The following PTPRG variants were observed in gnomAD, a reference collection of about 807,000 sequenced individuals.
The protein encoded by PTPRG is receptor-type tyrosine-protein phosphatase gamma.
Under a neutral mutation model 165.3 loss-of-function variants are expected in PTPRG, and 102 were observed. The observed-to-expected ratio is 0.62, with a 90% CI of 0.53 to 0.73. The LOEUF (loss-of-function observed/expected upper bound fraction) is 0.73. PTPRG is among the 30% of genes least tolerant of loss of function. The pLI is 0.00. For missense variants in PTPRG, 1,866 were observed against 1,861.4 expected (o/e 1.00, Z -0.05); for synonymous variants, 675 against 669.5 (o/e 1.01, Z -0.13).
At chr3:61,752,802 G>GAAAAAAAA (rs532651498) in intron 2 of PTPRG, among the ~76,000 whole-genome samples, 12 of 103,726 alleles carry the variant, frequency 1.2e-4, no homozygotes, top group Admixed American at 2.1e-4. Context: ...AAAAAAAAAA[G>GAAAAAAAA]AAAAAAAAAA....
intron 9 of PTPRG, among the ~76,000 whole-genome samples, chr3:62,192,844 G>A (rs1289991083): frequency 6.6e-6 from 1 of 152,196 alleles, no homozygotes; most frequent in Admixed American, 6.5e-5. Flanking sequence ...CATGAAAAAT[G>A]CAGTAGCACC....
chr3:61,829,754 T>C (rs2036219188), intron 2 of PTPRG, among the ~76,000 whole-genome samples: 1 of 152,182 alleles, frequency 6.6e-6, no homozygotes, highest in Non-Finnish European at 1.5e-5. Context: ...ATTGAGAATT[T>C]CTGTCATCCT....
At chr3:61,980,040 T>G (rs2040603684) in intron 2 of PTPRG, among the ~76,000 whole-genome samples, 1 of 152,188 alleles carries the variant, frequency 6.6e-6, no homozygotes, top group African/African-American at 2.4e-5. Flanking sequence ...TCCCTTTTCC[T>G]ACTTGTGATT....
chr3:62,070,198 T>G lies in PTPRG; in HGVS notation c.520-7965T>G, dbSNP rs1701164131. Among the ~76,000 whole-genome samples the G allele has an allele frequency of 1.3e-5, 2 of 152,208 alleles. 1 individual carries two copies. Among genetic ancestry groups the G allele is most frequent in the Admixed American group, 1.3e-4 (2 of 15,288 alleles). ...CTTAGACAATGGTTTGACTTTCTTG[T>G]GAATTAAAGAGAAAGTAACATAATC... On this transcript the variant is annotated intron_variant, in intron 4 of 29. Transcript: ENST00000474889.
chr3:61,947,265 TA>T (rs1256497339), intron 2 of PTPRG, among the ~76,000 whole-genome samples: 1 of 152,152 alleles, frequency 6.6e-6, no homozygotes, highest in Admixed American at 6.5e-5. Flanking sequence ...TCAAAGTATA[TA>T]AAAGACTTGT....
intron 6 of PTPRG, among the ~76,000 whole-genome samples, chr3:62,151,025 GCAAT>G (rs1288482496): frequency 6.6e-6 from 1 of 152,104 alleles, no homozygotes; most frequent in Non-Finnish European, 1.5e-5. Context: ...ACCAAGAAAT[GCAAT>G]CAATCAGCTG....
At chr3:61,717,947 A>C (rs888511837) in intron 1 of PTPRG, among the ~76,000 whole-genome samples, 1 of 152,134 alleles carries the variant, frequency 6.6e-6, no homozygotes, top group Non-Finnish European at 1.5e-5. Flanking sequence ...TTGGAGGCCA[A>C]GGTGGGTGGA....
chr3:61,896,677 A>C (rs1206217624), intron 2 of PTPRG, among the ~76,000 whole-genome samples: 1 of 152,204 alleles, frequency 6.6e-6, no homozygotes, highest in African/African-American at 2.4e-5. Context: ...GTAGCAACAT[A>C]TCTCTGCAGC....
At chr3:61,681,075 A>AAAAAAAG (rs999333286) in intron 1 of PTPRG, among the ~76,000 whole-genome samples, 1 of 150,212 alleles carries the variant, frequency 6.7e-6, no homozygotes, top group African/African-American at 2.5e-5. Context: ...AAAAAAAAAA[A>AAAAAAAG]AAGAAGAAGA....
intron 1 of PTPRG, among the ~76,000 whole-genome samples, chr3:61,708,716 C>T (rs2031394392): frequency 6.6e-6 from 1 of 152,072 alleles, no homozygotes; most frequent in African/African-American, 2.4e-5. Context: ...CTCGGCCTCC[C>T]AAGGTGCTGG....
intron 2 of PTPRG, among the ~76,000 whole-genome samples, chr3:61,955,283 G>A (rs1309785640): frequency 6.6e-6 from 1 of 152,078 alleles, no homozygotes; most frequent in Non-Finnish European, 1.5e-5. Context: ...AATGTGAATG[G>A]CCACTTTTTT....
At chr3:61,901,939 T>C (rs987775189) in intron 2 of PTPRG, among the ~76,000 whole-genome samples, 1 of 152,258 alleles carries the variant, frequency 6.6e-6, no homozygotes, top group African/African-American at 2.4e-5. Context: ...TATGCTTGCC[T>C]ATTTTTATAC....
At chr3:62,268,942 A>T in intron 19 of PTPRG, 93 bp from the exon 20 acceptor site, 1 of 1,334,532 alleles carries the variant, frequency 7.5e-7, no homozygotes, top group Non-Finnish European at 1.0e-6. Context: ...TGGCAATCTC[A>T]CCTGTGTTTT....
intron 5 of PTPRG, among the ~76,000 whole-genome samples, chr3:62,108,434 C>T (rs1401780974): frequency 2.0e-5 from 3 of 152,178 alleles, no homozygotes; most frequent in Non-Finnish European, 2.9e-5. Flanking sequence ...TTTCTAAATC[C>T]GTTCTATCAT....
At chr3:61,705,052 G>T (rs1360383628) in intron 1 of PTPRG, among the ~76,000 whole-genome samples, 1 of 152,196 alleles carries the variant, frequency 6.6e-6, no homozygotes, top group African/African-American at 2.4e-5. Context: ...GTGAACACAG[G>T]TGCTGGACAG....
intron 6 of PTPRG, among the ~76,000 whole-genome samples, chr3:62,144,904 T>G (rs1704062935): frequency 6.6e-6 from 1 of 152,146 alleles, no homozygotes; most frequent in Non-Finnish European, 1.5e-5. Flanking sequence ...AGGCCAGTTC[T>G]CATTCAGCCT....
At chr3:62,204,026 G>A in intron 12 of PTPRG, 76 bp downstream of exon 12, 8 of 1,495,796 alleles carry the variant, frequency 5.3e-6, no homozygotes, top group Non-Finnish European at 7.1e-6. Context: ...ATTGGGAGCA[G>A]AAGGTGAAGC....
intron 1 of PTPRG, among the ~76,000 whole-genome samples, chr3:61,630,948 C>T (rs779516953): frequency 7.3e-5 from 11 of 151,604 alleles, no homozygotes; most frequent in South Asian, 2.1e-4. Flanking sequence ...CCCAGCTACT[C>T]GGGAGGGTGA....
At chr3:61,710,038 A>C (rs1409953440) in intron 1 of PTPRG, among the ~76,000 whole-genome samples, 1 of 152,192 alleles carries the variant, frequency 6.6e-6, no homozygotes, top group Non-Finnish European at 1.5e-5. Context: ...GGTGTTTGCC[A>C]AGTTACTGTG....
Sources: allele counts gnomAD v4.1 joint callset (sites outside exome capture counted in the v4.1 genomes callset), GRCh38; gene constraint gnomAD v4.1.1; transcripts MANE v1.5; gene names NCBI Gene and HGNC (gene_info 2026-07-23, HGNC 2026-07-21).